CARF: variants seen among roughly 807,000 people sequenced by gnomAD.
CARF encodes calcium responsive transcription factor, also known as calcium-responsive transcription factor.
A neutral mutation model predicts 82.0 loss-of-function variants in CARF; 57 were observed. The ratio of observed to expected loss-of-function variants is 0.70; its 90% CI spans 0.56 to 0.87. CARF has a LOEUF of 0.87. Ranked by LOEUF, CARF falls within the 40% of genes least tolerant of loss-of-function variation. The pLI is 0.00. For missense variants in CARF, 771 were observed against 855.8 expected, an observed-to-expected ratio of 0.90 and a Z score of 1.24; for synonymous variants, 268 against 290.1, an observed-to-expected ratio of 0.92 and a Z score of 0.77.
intron 1 of CARF, among the ~76,000 whole-genome samples, chr2:202,917,210 CAAAAAAAAAAAAAAAAAA>C (rs71034203): frequency 2.1e-5 from 1 of 47,012 alleles, no homozygotes. Flanking sequence ...GACTCCGTCT[CAAAAAAAAAAAAAAAAAA>C]AAAAAAAAGC....
chr2:202,928,705 C>T (rs1184604043), intron 3 of CARF, among the ~76,000 whole-genome samples: 1 of 152,014 alleles, frequency 6.6e-6, no homozygotes, highest in Non-Finnish European at 1.5e-5. Context: ...TTTGTATTTA[C>T]CCGATTCTTA....
chr2:202,929,096 T>A (rs1692404129), intron 3 of CARF, among the ~76,000 whole-genome samples: 1 of 152,240 alleles, frequency 6.6e-6, no homozygotes, highest in Non-Finnish European at 1.5e-5. Context: ...ATTATTTATT[T>A]ATTAATCCCT....
At chr2:202,950,304 C>A (rs2058698071) in intron 5 of CARF, among the ~76,000 whole-genome samples, 1 of 152,032 alleles carries the variant, frequency 6.6e-6, no homozygotes, top group Non-Finnish European at 1.5e-5. Context: ...AATTATGAAA[C>A]TTGTATATGA....
At chr2:202,974,028 C>T (rs974051809) in intron 12 of CARF, among the ~76,000 whole-genome samples, 1 of 151,970 alleles carries the variant, frequency 6.6e-6, no homozygotes, top group African/African-American at 2.4e-5. Context: ...GCAGAGGTTG[C>T]AGTGAGCCGA....
chr2:202,974,959 G>T (rs2059963067), intron 13 of CARF, among the ~76,000 whole-genome samples: 1 of 152,162 alleles, frequency 6.6e-6, no homozygotes, highest in East Asian at 1.9e-4. Flanking sequence ...TTTAGAAAAT[G>T]ACTAAAAGTT....
chr2:202,958,247 A>ATGTGTGTGTGTGTGTGTGTGTG (rs1225523942), intron 8 of CARF, among the ~76,000 whole-genome samples: 1 of 26,476 alleles, frequency 3.8e-5, no homozygotes, highest in Non-Finnish European at 1.1e-4. Flanking sequence ...GTATATACAT[A>ATGTGTGTGTGTGTGTGTGTGTG]TATGTGTGTG....
chr2:202,961,713 C>A (rs1363391693), intron 9 of CARF: 7 of 445,130 alleles, frequency 1.6e-5, no homozygotes, highest in Non-Finnish European at 2.7e-5. Flanking sequence ...GTTAAAAGAG[C>A]AATTTTATTT....
chr2:202,976,087 A>ATCCATCCATCCATC (rs1440225242), intron 13 of CARF, among the ~76,000 whole-genome samples: 4 of 150,648 alleles, frequency 2.7e-5, no homozygotes, highest in Admixed American at 1.3e-4. Flanking sequence ...ATCCATCCAT[A>ATCCATCCATCCATC]CATACATACA....
At chr2:202,917,006 C>G (rs1408909353) in intron 1 of CARF, among the ~76,000 whole-genome samples, 1 of 151,834 alleles carries the variant, frequency 6.6e-6, no homozygotes, top group Admixed American at 6.6e-5. Context: ...GTCAGGAGAT[C>G]GAGACCATCC....
intron 8 of CARF, among the ~76,000 whole-genome samples, chr2:202,956,903 C>G (rs2059072925): frequency 1.3e-5 from 2 of 152,168 alleles, no homozygotes; most frequent in Non-Finnish European, 2.9e-5. Flanking sequence ...ATTCTGCTGC[C>G]TCAGCCTCTT....
At chr2:202,973,875 TAGG>T (rs1183660838) in intron 12 of CARF, among the ~76,000 whole-genome samples, 1 of 151,842 alleles carries the variant, frequency 6.6e-6, no homozygotes, top group African/African-American at 2.4e-5. Context: ...ATCGCGAGGT[TAGG>T]AGATCGAGAC....
At chr2:202,947,477 G>T (rs779521762) in intron 5 of CARF, among the ~76,000 whole-genome samples, 2 of 152,072 alleles carry the variant, frequency 1.3e-5, no homozygotes, top group African/African-American at 2.4e-5. Flanking sequence ...GGCCTGTCGG[G>T]GGGGTAGGGG....
intron 1 of CARF, among the ~76,000 whole-genome samples, chr2:202,913,426 C>CCGCATT (rs2105921889): frequency 6.6e-6 from 1 of 152,300 alleles, no homozygotes; most frequent in African/African-American, 2.4e-5. Context: ...GCATCGGAAG[C>CCGCATT]ACTCAGTATA....
rs745907912 is a variant in CARF, at chr2:202,969,900, T to C, written c.954-19T>C. On this transcript the variant is annotated intron_variant, in intron 10 of 16. Transcript: ENST00000438828. ...GATTATAATATAATGAAACAAATTCTTCTTTATCTTGTATAAAGGATTTAC... is the reference window on the plus strand; with the variant it reads ...GATTATAATATAATGAAACAAATTCCTCTTTATCTTGTATAAAGGATTTAC... 4 of 1,390,442 alleles carry C rather than the reference T, an allele frequency of 2.9e-6. No homozygotes were observed. The highest frequency in any genetic ancestry group is 2.9e-6 in the Non-Finnish European group (3 of 1,035,298). The allele number at this position is 1,390,442 out of a possible 1,614,324, so 86.1% of individuals were successfully genotyped here. A position where few individuals can be genotyped will look rare whatever the true frequency, so the allele number is the denominator to read the frequency against.
chr2:202,945,550 G>A (rs2058456997), intron 5 of CARF, among the ~76,000 whole-genome samples: 1 of 152,088 alleles, frequency 6.6e-6, no homozygotes, highest in African/African-American at 2.4e-5. Flanking sequence ...CCTTGTAAGT[G>A]AGAACATGCA....
At chr2:202,953,498 G>GTGT (rs2058858407) in intron 6 of CARF, among the ~76,000 whole-genome samples, 1 of 70,294 alleles carries the variant, frequency 1.4e-5, no homozygotes, top group Non-Finnish European at 2.5e-5. Context: ...TTTTTTTGTT[G>GTGT]TTTTTTTTTT....
At chr2:202,981,813 T>G in intron 15 of CARF, 128 bp downstream of exon 15, 1 of 1,027,214 alleles carries the variant, frequency 9.7e-7, no homozygotes, top group South Asian at 1.7e-5. Context: ...TTTTCATTGT[T>G]AATTTCCTGA....
chr2:202,961,424 C>G lies in CARF; in HGVS notation c.830C>G (p.Ala277Gly). ...TATGATGGAATCCCATTTGTTAATG[C>G]AGGTACTTTTTTAAAGAATTATTTT... Reference protein sequence around the residue: ...VPYDGIPFVNAGSRAVVMECQ... With the variant: ...VPYDGIPFVNGGSRAVVMECQ... Residue 277 changes from alanine to glycine, a missense_variant and splice_region_variant, in exon 9 of 17, where the codon GCA becomes GGA. By Grantham distance (60) the Ala-to-Gly change is moderately conservative. Transcript: ENST00000438828. The G allele has an allele frequency of 1.2e-6, 2 of 1,612,926 alleles. No homozygotes were observed. Among genetic ancestry groups the G allele is most frequent in the Non-Finnish European group, 1.7e-6 (2 of 1,178,960 alleles).
At chr2:202,923,022 A>G (rs901795403) in intron 2 of CARF, among the ~76,000 whole-genome samples, 18 of 152,036 alleles carry the variant, frequency 1.2e-4, no homozygotes, top group African/African-American at 4.1e-4. Flanking sequence ...TGGGCGGATC[A>G]CCTGAGGTCA....
Sources: allele counts gnomAD v4.1 joint callset (sites outside exome capture counted in the v4.1 genomes callset), GRCh38; gene constraint gnomAD v4.1.1; transcripts MANE v1.5; gene names NCBI Gene and HGNC (gene_info 2026-07-23, HGNC 2026-07-21).